Variants in FHIT observed in about 807,000 individuals in gnomAD.
FHIT encodes bis(5'-adenosyl)-triphosphatase.
Under a neutral mutation model 17.9 loss-of-function variants are expected in FHIT, and 19 were observed. The observed-to-expected ratio is 1.06, with a 90% CI of 0.74 to 1.56. The LOEUF is 1.56. Among genes scored for constraint, FHIT ranks in the 40% most tolerant of loss-of-function variants. The pLI is 0.00. For synonymous variants in FHIT, 81 were observed against 69.7 expected (o/e 1.16, Z -0.81); for missense variants, 248 against 189.2 (o/e 1.31, Z -1.82).
chr3:60,417,923 C>T (rs1453698733), intron 5 of FHIT, among the ~76,000 whole-genome samples: 1 of 152,084 alleles, frequency 6.6e-6, no homozygotes, highest in Non-Finnish European at 1.5e-5. Flanking sequence ...CCGAAATCTC[C>T]CGAGCATTTT....
intron 4 of FHIT, among the ~76,000 whole-genome samples, chr3:60,543,544 A>C (rs2036254564): frequency 6.6e-6 from 1 of 152,178 alleles, no homozygotes; most frequent in Non-Finnish European, 1.5e-5. Context: ...TATATGTTTT[A>C]TGCATTCTAT....
At chr3:61,188,560 G>A (rs972390763) in intron 2 of FHIT, among the ~76,000 whole-genome samples, 3 of 152,138 alleles carry the variant, frequency 2.0e-5, no homozygotes, top group Admixed American at 6.5e-5. Context: ...GAAAAAGAGG[G>A]AATCCTCCCT....
chr3:60,040,890 T>C (rs573725219), intron 5 of FHIT, among the ~76,000 whole-genome samples: 5 of 152,098 alleles, frequency 3.3e-5, no homozygotes, highest in Admixed American at 6.6e-5. Flanking sequence ...CTATACTTCT[T>C]GAAGGCAACT....
intron 4 of FHIT, among the ~76,000 whole-genome samples, chr3:60,679,969 C>T (rs1195235158): frequency 5.3e-5 from 8 of 152,118 alleles, no homozygotes; most frequent in African/African-American, 1.4e-4. Context: ...TTTCGAAAAT[C>T]GTCTCTTAGT....
intron 2 of FHIT, among the ~76,000 whole-genome samples, chr3:61,097,165 TG>T (rs2035669034): frequency 6.6e-6 from 1 of 150,908 alleles, no homozygotes; most frequent in Non-Finnish European, 1.5e-5. Context: ...GCGTGAGCGA[TG>T]CAGAAGATGG....
At chr3:60,973,772 A>G (rs1289008965) in intron 3 of FHIT, among the ~76,000 whole-genome samples, 3 of 152,208 alleles carry the variant, frequency 2.0e-5, no homozygotes, top group Admixed American at 6.5e-5. Context: ...TAATGTCAGG[A>G]AATCTGAAGC....
chr3:60,593,854 C>G (rs1446093785), intron 4 of FHIT, among the ~76,000 whole-genome samples: 2 of 152,056 alleles, frequency 1.3e-5, no homozygotes, highest in Non-Finnish European at 2.9e-5. Context: ...GAAAGTCAAT[C>G]AAATTCTATT....
chr3:61,045,246 T>C (rs1198540616), intron 2 of FHIT, among the ~76,000 whole-genome samples: 1 of 152,062 alleles, frequency 6.6e-6, no homozygotes, highest in African/African-American at 2.4e-5. Flanking sequence ...CCATCTAACA[T>C]GCAGAGACAC....
At chr3:60,084,031 T>C (rs1703397524) in intron 5 of FHIT, among the ~76,000 whole-genome samples, 1 of 130,868 alleles carries the variant, frequency 7.6e-6, no homozygotes, top group South Asian at 2.4e-4. Flanking sequence ...ACATATTAAG[T>C]GGGGAAAAAA....
At chr3:60,108,020 A>C (rs1056125258) in intron 5 of FHIT, among the ~76,000 whole-genome samples, 1 of 152,182 alleles carries the variant, frequency 6.6e-6, no homozygotes, top group Middle Eastern at 3.2e-3. Context: ...AAACCTCTTT[A>C]AACTTTTCTT....
chr3:60,337,262 C>A (rs1296209035), intron 5 of FHIT, among the ~76,000 whole-genome samples: 1 of 151,704 alleles, frequency 6.6e-6, no homozygotes, highest in African/African-American at 2.4e-5. Context: ...TTTCCGCCCA[C>A]TAGGAAGACA....
chr3:60,214,692 C>G (rs1392252868), intron 5 of FHIT, among the ~76,000 whole-genome samples: 2 of 152,148 alleles, frequency 1.3e-5, no homozygotes, highest in African/African-American at 4.8e-5. Flanking sequence ...ATAAATCTTT[C>G]TGCCAAAAAG....
chr3:61,062,484 A>G (rs545335197), intron 2 of FHIT, among the ~76,000 whole-genome samples: 28 of 152,280 alleles, frequency 1.8e-4, no homozygotes, highest in African/African-American at 6.0e-4. Flanking sequence ...ATATCTCTAG[A>G]TTGAGTTACA....
intron 4 of FHIT, among the ~76,000 whole-genome samples, chr3:60,582,247 A>T (rs2037770705): frequency 6.6e-6 from 1 of 152,062 alleles, no homozygotes; most frequent in Non-Finnish European, 1.5e-5. Flanking sequence ...AATCATTTGA[A>T]TATAGGCATA....
chr3:60,428,536 C>T (rs896669746), intron 5 of FHIT, among the ~76,000 whole-genome samples: 4 of 152,130 alleles, frequency 2.6e-5, no homozygotes, highest in African/African-American at 9.7e-5. Flanking sequence ...AGCAATATTG[C>T]TTGTTTATCC....
At chr3:60,894,013 A>C (rs1315220468) in intron 3 of FHIT, among the ~76,000 whole-genome samples, 7 of 152,198 alleles carry the variant, frequency 4.6e-5, no homozygotes, top group African/African-American at 1.7e-4. Context: ...AATTCTCTGA[A>C]TCTGGCCTTC....
intron 4 of FHIT, among the ~76,000 whole-genome samples, chr3:60,626,521 G>A (rs782080947): frequency 3.3e-5 from 5 of 152,102 alleles, no homozygotes; most frequent in Admixed American, 6.5e-5. Flanking sequence ...TATCACAAGT[G>A]AATAGAGAGA....
chr3:60,224,485 G>A (rs762395877), intron 5 of FHIT, among the ~76,000 whole-genome samples: 11 of 152,098 alleles, frequency 7.2e-5, no homozygotes, highest in South Asian at 4.2e-4. Flanking sequence ...AGGAATCTTC[G>A]AAATGTTCCC....
chr3:60,492,291 GTCT>G (rs1391605142), intron 5 of FHIT, among the ~76,000 whole-genome samples: 1 of 152,132 alleles, frequency 6.6e-6, no homozygotes, highest in Non-Finnish European at 1.5e-5. Context: ...AAATATTGAT[GTCT>G]TTCTGTGGTC....
Sources: allele counts gnomAD v4.1 joint callset (sites outside exome capture counted in the v4.1 genomes callset), GRCh38; gene constraint gnomAD v4.1.1; transcripts MANE v1.5; gene names NCBI Gene and HGNC (gene_info 2026-07-23, HGNC 2026-07-21).